Variants in TIAM1 observed in about 807,000 individuals in gnomAD.
The protein encoded by TIAM1 is rho guanine nucleotide exchange factor TIAM1.
TIAM1 carries 65 observed loss-of-function variants against 163.5 expected under a neutral mutation model. The observed-to-expected ratio is 0.40, with a 90% confidence interval of 0.33 to 0.49. TIAM1 has a LOEUF of 0.49. Ranked by LOEUF, TIAM1 falls within the 20% of genes least tolerant of loss-of-function variation. TIAM1 has a pLI of 0.77. For missense variants in TIAM1, 1,789 were observed against 2,044.7 expected (o/e 0.87, Z 2.41); for synonymous variants, 833 against 810.1 (o/e 1.03, Z -0.48).
At chr21:31,434,861 T>C (rs556952781) in intron 2 of TIAM1, among the ~76,000 whole-genome samples, 21 of 152,346 alleles carry the variant, frequency 1.4e-4, no homozygotes, top group African/African-American at 5.0e-4. Flanking sequence ...CGGAGACTTT[T>C]GCCAACAAGT....
rs772493568 is a variant in TIAM1, at chr21:31,339,410, A to C, written c.-356T>G. On this transcript the variant is annotated 5_prime_UTR_variant, in exon 2 of 28. Transcript: ENST00000541036. ...GGTCTAGAAAGGTGGGTCTCAGTCCACAGTGATTCTACCTATAAGAGCAAC... is the reference window on the plus strand; with the variant it reads ...GGTCTAGAAAGGTGGGTCTCAGTCCCCAGTGATTCTACCTATAAGAGCAAC... The C allele has an allele frequency of 1.3e-5, 5 of 398,516 alleles. No individual in the cohort carries two copies. Among genetic ancestry groups the C allele is most frequent in the Non-Finnish European group, 2.2e-5 (5 of 226,106 alleles). The allele number at this position is 398,516 out of a possible 1,614,324, so 24.7% of individuals were successfully genotyped here.
chr21:31,503,051 G>A (rs962374147), intron 1 of TIAM1, among the ~76,000 whole-genome samples: 8 of 152,164 alleles, frequency 5.3e-5, no homozygotes, highest in African/African-American at 1.9e-4. Context: ...ATGGCTAAAT[G>A]TACCAAGGTC....
chr21:31,549,596 T>C (rs1163707393), intron 1 of TIAM1, among the ~76,000 whole-genome samples: 1 of 152,298 alleles, frequency 6.6e-6, no homozygotes, highest in East Asian at 1.9e-4. Context: ...GAGAAATGCA[T>C]ATCAAAACCA....
At chr21:31,452,993 C>T in intron 2 of TIAM1, 1 of 495,654 alleles carries the variant, frequency 2.0e-6, no homozygotes, top group Admixed American at 2.2e-5. Context: ...GGAAGAAAAA[C>T]AGAACGGTCA....
intron 1 of TIAM1, among the ~76,000 whole-genome samples, chr21:31,555,160 A>G (rs1474098668): frequency 6.6e-6 from 1 of 150,872 alleles, no homozygotes; most frequent in Non-Finnish European, 1.5e-5. Flanking sequence ...GATTTGGCCT[A>G]CAATGATGAT....
intron 17 of TIAM1, among the ~76,000 whole-genome samples, chr21:31,153,551 T>G (rs2083475619): frequency 6.6e-6 from 1 of 152,210 alleles, no homozygotes. Context: ...CAGATCACCC[T>G]GCTTTCGCAT....
chr21:31,295,448 T>C (rs539534053), intron 2 of TIAM1, among the ~76,000 whole-genome samples: 75 of 116,190 alleles, frequency 6.5e-4, no homozygotes, highest in African/African-American at 2.0e-3. Context: ...CCAGCCTGGG[T>C]GACAGAGTGA....
intron 1 of TIAM1, among the ~76,000 whole-genome samples, chr21:31,525,707 T>C (rs1274397501): frequency 6.6e-6 from 1 of 151,904 alleles, no homozygotes; most frequent in African/African-American, 2.4e-5. Context: ...TCTTATTATA[T>C]GAAGAAATAA....
chr21:31,491,231 A>T (rs116173581), intron 1 of TIAM1, among the ~76,000 whole-genome samples: 3 of 152,230 alleles, frequency 2.0e-5, no homozygotes, highest in Non-Finnish European at 4.4e-5. Context: ...AAAAGTGGAA[A>T]GAACTCATGA....
chr21:31,434,146 A>T (rs1456461985), intron 2 of TIAM1, among the ~76,000 whole-genome samples: 1 of 152,156 alleles, frequency 6.6e-6, no homozygotes, highest in Non-Finnish European at 1.5e-5. Context: ...AAAGAAAAAA[A>T]AAGGCATTGT....
At chr21:31,367,790 T>C (rs938777212) in intron 2 of TIAM1, among the ~76,000 whole-genome samples, 3 of 152,228 alleles carry the variant, frequency 2.0e-5, no homozygotes, top group Non-Finnish European at 4.4e-5. Context: ...TTCTTGTGTG[T>C]TGGTATTATA....
intron 19 of TIAM1, among the ~76,000 whole-genome samples, chr21:31,150,355 T>A (rs1175341729): frequency 2.6e-5 from 4 of 152,144 alleles, no homozygotes; most frequent in African/African-American, 9.7e-5. Context: ...CCAAAACTTG[T>A]ACCCTAACAT....
intron 1 of TIAM1, among the ~76,000 whole-genome samples, chr21:31,499,596 A>T (rs1303934455): frequency 6.6e-6 from 1 of 152,136 alleles, no homozygotes; most frequent in Non-Finnish European, 1.5e-5. Flanking sequence ...TCACGCCTGT[A>T]ATCTCAGCAC....
intron 12 of TIAM1, among the ~76,000 whole-genome samples, chr21:31,197,148 C>T (rs2085900681): frequency 6.6e-6 from 1 of 152,102 alleles, no homozygotes; most frequent in Admixed American, 6.5e-5. Flanking sequence ...AGGCTTACTA[C>T]CTAGGTGACA....
At chr21:31,321,073 G>A (rs1273550057) in intron 2 of TIAM1, among the ~76,000 whole-genome samples, 1 of 151,972 alleles carries the variant, frequency 6.6e-6, no homozygotes, top group Non-Finnish European at 1.5e-5. Context: ...GATCACCTGA[G>A]TCCAGGAGTT....
At chr21:31,225,656 C>CAA (rs11373053) in intron 7 of TIAM1, 70 bp downstream of exon 7, 20,568 of 1,071,094 alleles carry the variant, frequency 0.019, 394 homozygotes, top group African/African-American at 0.15. Flanking sequence ...TCCAAAACAG[C>CAA]AAAAAAAAAA....
chr21:31,513,426 C>G (rs970035346), intron 1 of TIAM1, among the ~76,000 whole-genome samples: 1 of 152,106 alleles, frequency 6.6e-6, no homozygotes, highest in Admixed American at 6.6e-5. Flanking sequence ...CGCTATTAAG[C>G]GAACTTCCTC....
At chr21:31,245,755 T>C (rs531144511) in intron 5 of TIAM1, 95 bp from the exon 6 acceptor site, 2 of 1,196,808 alleles carry the variant, frequency 1.7e-6, no homozygotes, top group East Asian at 6.3e-5. Flanking sequence ...TGTCAGAGGC[T>C]GAAAATTAAA....
At chr21:31,315,042 G>T (rs992968552) in intron 2 of TIAM1, among the ~76,000 whole-genome samples, 1 of 152,032 alleles carries the variant, frequency 6.6e-6, no homozygotes, top group African/African-American at 2.4e-5. Context: ...GCCAAACCTC[G>T]CACCAAAACC....
Sources: gnomAD v4.1 joint callset for allele counts (sites outside exome capture counted in the v4.1 genomes callset) on GRCh38, gnomAD v4.1.1 for gene constraint, MANE v1.5 for transcripts, NCBI Gene and HGNC (gene_info 2026-07-23, HGNC 2026-07-21) for gene names.